The following CHN2 variants were observed in gnomAD, a reference collection of about 807,000 sequenced individuals.
CHN2 encodes the protein chimerin 2.
In CHN2, 35 loss-of-function variants were observed where a neutral mutation model predicts 56.3. The observed-to-expected ratio is 0.62, with a 90% CI of 0.47 to 0.82. The LOEUF is 0.82. Ranked by LOEUF, CHN2 falls within the 40% of genes least tolerant of loss-of-function variation. The pLI is 0.00. For missense variants in CHN2, 491 were observed against 580.5 expected (o/e 0.85, Z 1.58); for synonymous variants, 210 against 212.8 (o/e 0.99, Z 0.12).
intron 7 of CHN2, among the ~76,000 whole-genome samples, chr7:29,490,054 T>G (rs1332947355): frequency 6.6e-6 from 1 of 152,110 alleles, no homozygotes; most frequent in Non-Finnish European, 1.5e-5. Flanking sequence ...TAGGGATATT[T>G]AAGATGAGGT....
rs1391769657 is a variant in CHN2, at chr7:29,465,232, T to G, written c.577-15047T>G. On this transcript the variant is annotated intron_variant, in intron 6 of 12. Coordinates refer to ENST00000222792, the MANE Select transcript of CHN2 (RefSeq NM_004067.4). ...AGTGATTCTGATCAAATTAAAATGA[T>G]TTTATGTTTAGGAATTGTGGCAGGT... is the stretch of plus-strand genomic sequence containing the variant. 3.9e-5 allele frequency among the ~76,000 whole-genome samples: 6 copies of G among 152,214 alleles called. No homozygotes were observed. In the East Asian group the frequency reaches 1.2e-3, roughly 29 times the overall value.
intron 12 of CHN2, among the ~76,000 whole-genome samples, chr7:29,512,192 C>CACAAGAGGGAAAAAAAAAAA (rs1562682497): frequency 6.9e-6 from 1 of 144,466 alleles, no homozygotes; most frequent in Non-Finnish European, 1.6e-5. Flanking sequence ...AAAAAAAAAA[C>CACAAGAGGGAAAAAAAAAAA]GCCTTCTGTA....
At chr7:29,312,015 T>A (rs1794639093) in intron 1 of CHN2, among the ~76,000 whole-genome samples, 1 of 152,196 alleles carries the variant, frequency 6.6e-6, no homozygotes, top group Non-Finnish European at 1.5e-5. Context: ...AGTTCTCTTC[T>A]TTTAAATTTT....
At chr7:29,209,537 A>G (rs1584740750) in intron 1 of CHN2, among the ~76,000 whole-genome samples, 1 of 152,206 alleles carries the variant, frequency 6.6e-6, no homozygotes, top group Non-Finnish European at 1.5e-5. Flanking sequence ...ATATAAATCC[A>G]TTAATTTAAA....
At chr7:29,434,308 A>G (rs2128117658) in intron 6 of CHN2, among the ~76,000 whole-genome samples, 1 of 152,258 alleles carries the variant, frequency 6.6e-6, no homozygotes, top group Middle Eastern at 3.4e-3. Context: ...GAGAAATGTA[A>G]AGGCCCCTTG....
At chr7:29,186,524 G>A (rs1798737676) in intron 2 of CHN2, 4 of 151,856 alleles carry the variant, frequency 2.6e-5, no homozygotes, top group Admixed American at 2.6e-4. Context: ...GCAGTGAGCT[G>A]TGATCGTGTC....
intron 1 of CHN2, among the ~76,000 whole-genome samples, chr7:29,334,057 T>TC (rs1431017335): frequency 6.7e-6 from 1 of 148,520 alleles, no homozygotes; most frequent in East Asian, 2.0e-4. Flanking sequence ...TTCTTTTTTT[T>TC]TTTTTTTTTT....
rs57274609 is a variant in CHN2 at position 29,374,801 on chromosome 7, TTTCCTTCCTTCC to T, written c.144+6852_144+6863del. On this transcript the variant is annotated intron_variant, in intron 3 of 12. Coordinates refer to ENST00000222792, the MANE Select transcript of CHN2 (RefSeq NM_004067.4). ...TCTCTGGGTGATTTTTATTTCTTTA[TTTCCTTCCTTCC>T]TTCCTTCCTTCCTTCCTTCCTTCCT... Among the ~76,000 whole-genome samples the T allele has an allele frequency of 5.2e-3, 663 of 128,258 alleles. 10 individuals carry two copies. The highest frequency in any genetic ancestry group is 0.027 in the Middle Eastern group (7 of 258). 84.1% of individuals were successfully genotyped at this position (128,258 alleles called of 152,430 possible). A position where few individuals can be genotyped will look rare whatever the true frequency, so the allele number is the denominator to read the frequency against.
At chr7:29,503,775 T>C (rs904404784) in intron 9 of CHN2, among the ~76,000 whole-genome samples, 20 of 152,222 alleles carry the variant, frequency 1.3e-4, no homozygotes, top group African/African-American at 4.6e-4. Context: ...TATCAAGAGT[T>C]TGGCAGAATA....
chr7:29,269,480 C>T (rs1790440630), intron 1 of CHN2, among the ~76,000 whole-genome samples: 1 of 152,184 alleles, frequency 6.6e-6, no homozygotes, highest in Non-Finnish European at 1.5e-5. Flanking sequence ...GACTCCATAT[C>T]TTGGCTGTTG....
At chr7:29,175,957 C>T (rs1283605631) in intron 2 of CHN2, among the ~76,000 whole-genome samples, 6 of 151,962 alleles carry the variant, frequency 3.9e-5, no homozygotes, top group Admixed American at 6.6e-5. Flanking sequence ...GAGGCCGAGG[C>T]GGGAAGATCA....
chr7:29,337,423 C>T (rs1006236599), intron 1 of CHN2, among the ~76,000 whole-genome samples: 10 of 152,196 alleles, frequency 6.6e-5, no homozygotes, highest in Admixed American at 5.2e-4. Flanking sequence ...GCTGCCAGCA[C>T]GCAGTACAGC....
chr7:29,222,842 T>C (rs901932325), intron 1 of CHN2, among the ~76,000 whole-genome samples: 12 of 152,160 alleles, frequency 7.9e-5, no homozygotes, highest in African/African-American at 2.7e-4. Flanking sequence ...TTGTTAGATA[T>C]TGACTTATTA....
intron 1 of CHN2, chr7:29,292,985 C>G (rs777563073): frequency 2.2e-6 from 1 of 456,248 alleles, no homozygotes; most frequent in South Asian, 1.5e-5. Flanking sequence ...GATGTCACTC[C>G]TCCGTCTTTG....
intron 6 of CHN2, among the ~76,000 whole-genome samples, chr7:29,436,894 C>CT (rs890447194): frequency 2.7e-5 from 4 of 150,128 alleles, no homozygotes; most frequent in Admixed American, 6.6e-5. Flanking sequence ...CAATCCTAAC[C>CT]TTTTTTTTTA....
At chr7:29,315,008 A>G (rs1465048728) in intron 1 of CHN2, among the ~76,000 whole-genome samples, 4 of 152,156 alleles carry the variant, frequency 2.6e-5, no homozygotes, top group Non-Finnish European at 5.9e-5. Flanking sequence ...AGCATCCTCA[A>G]TGTAGAAGAG....
intron 2 of CHN2, among the ~76,000 whole-genome samples, chr7:29,188,948 C>CT (rs11376135): frequency 0.4 from 51,596 of 129,932 alleles, 10,913 homozygotes; most frequent in African/African-American, 0.43. Context: ...TTCCTCATAC[C>CT]TTTTTTTTTT....
chr7:29,511,758 G>A (rs1436816636), intron 12 of CHN2, among the ~76,000 whole-genome samples: 1 of 151,774 alleles, frequency 6.6e-6, no homozygotes, highest in Non-Finnish European at 1.5e-5. Flanking sequence ...GCTCATTTTT[G>A]GAGAACCCAT....
At chr7:29,466,949 G>A (rs1179949129) in intron 6 of CHN2, among the ~76,000 whole-genome samples, 4 of 152,132 alleles carry the variant, frequency 2.6e-5, no homozygotes, top group Non-Finnish European at 2.9e-5. Flanking sequence ...ACATTGGTCT[G>A]TTTCCTTACA....
Sources: allele counts gnomAD v4.1 joint callset (sites outside exome capture counted in the v4.1 genomes callset), GRCh38; gene constraint gnomAD v4.1.1; transcripts MANE v1.5; gene names NCBI Gene and HGNC (gene_info 2026-07-23, HGNC 2026-07-21).